The following KCNN2 variants were observed in gnomAD, a reference collection of about 807,000 sequenced individuals.
KCNN2 encodes the protein small conductance calcium-activated potassium channel protein 2.
In KCNN2, 24 loss-of-function variants were observed where a neutral mutation model predicts 55.5. The observed-to-expected ratio is 0.43, with a 90% CI of 0.31 to 0.61. The LOEUF (loss-of-function observed/expected upper bound fraction) is 0.61, where lower values mean the gene tolerates loss of function less well. Ranked by LOEUF, KCNN2 falls within the 20% of genes least tolerant of loss-of-function variation. The pLI, the probability that KCNN2 is intolerant of heterozygous loss-of-function variation, is 0.08. For synonymous variants in KCNN2, 431 were observed against 336.1 expected (o/e 1.28, Z -3.09); for missense variants, 754 against 853.6 (o/e 0.88, Z 1.45).
At chr5:114,111,944 G>A (rs1273016748) in intron 1 of KCNN2, among the ~76,000 whole-genome samples, 2 of 152,118 alleles carry the variant, frequency 1.3e-5, no homozygotes, top group African/African-American at 2.4e-5. Context: ...TCTAGAACTC[G>A]AAATACCATT....
At chr5:114,154,424 T>C (rs891458974) in intron 1 of KCNN2, among the ~76,000 whole-genome samples, 1 of 152,054 alleles carries the variant, frequency 6.6e-6, no homozygotes, top group Non-Finnish European at 1.5e-5. Flanking sequence ...GAAATGTGGG[T>C]GGCACTAGAG....
In KCNN2 at chr5:114,362,625, C is replaced by T. The variant is rs527423415; in HGVS notation, c.486C>T (p.Ser162=). The change falls in exon 1 of 8, where the codon AGC becomes AGT. Residue 162 remains serine, a synonymous_variant. Transcript: ENST00000673685. ...CCTCCCAGTACCACCAGTGCCACAG[C>T]CTGCAGCCCGCCGCCAGCCCCACGG... ...ASASQYHQCH[S]LQPAASPTGS... is the part of the protein sequence containing the mutation. 9.2e-6 allele frequency: 10 copies of T among 1,087,076 alleles called. No homozygotes were observed. Among genetic ancestry groups the T allele is most frequent in the Non-Finnish European group, 1.3e-5 (10 of 787,272 alleles). 67.3% of individuals were successfully genotyped at this position (1,087,076 alleles called of 1,614,324 possible). A position where few individuals can be genotyped will look rare whatever the true frequency, so the allele number is the denominator to read the frequency against.
chr5:114,223,777 G>T (rs541782497), intron 2 of KCNN2, among the ~76,000 whole-genome samples: 1 of 152,126 alleles, frequency 6.6e-6, no homozygotes, highest in Non-Finnish European at 1.5e-5. Flanking sequence ...GAACTAAGAC[G>T]AACTTCTGAG....
intron 3 of KCNN2, among the ~76,000 whole-genome samples, chr5:114,444,076 T>C (rs1760312029): frequency 1.3e-5 from 2 of 152,182 alleles, no homozygotes; most frequent in African/African-American, 4.8e-5. Flanking sequence ...AGATGTCTGT[T>C]ACAATGGACT....
intron 2 of KCNN2, among the ~76,000 whole-genome samples, chr5:114,334,842 T>G (rs1756892541): frequency 6.6e-6 from 1 of 152,194 alleles, no homozygotes; most frequent in South Asian, 2.1e-4. Flanking sequence ...TAAGATTGAT[T>G]ATTAACCAGT....
intron 3 of KCNN2, among the ~76,000 whole-genome samples, chr5:114,408,669 GC>G (rs1759019828): frequency 6.6e-6 from 1 of 151,992 alleles, no homozygotes; most frequent in Non-Finnish European, 1.5e-5. Context: ...GAGGGAAATA[GC>G]CAGGTCTGAC....
intron 2 of KCNN2, among the ~76,000 whole-genome samples, chr5:114,288,880 A>ATTTT (rs948241250): frequency 6.6e-6 from 1 of 150,988 alleles, no homozygotes; most frequent in Non-Finnish European, 1.5e-5. Flanking sequence ...AGTTCAGCTT[A>ATTTT]TTTTTTTTTC....
chr5:114,259,774 G>A (rs914973347), intron 2 of KCNN2, among the ~76,000 whole-genome samples: 3 of 152,058 alleles, frequency 2.0e-5, no homozygotes, highest in East Asian at 1.9e-4. Flanking sequence ...TTTCTAGCCC[G>A]TCTCTACCAG....
intron 5 of KCNN2, among the ~76,000 whole-genome samples, chr5:114,486,384 C>G (rs1399412349): frequency 6.6e-6 from 1 of 152,168 alleles, no homozygotes; most frequent in Non-Finnish European, 1.5e-5. Flanking sequence ...ATTAAGTATC[C>G]ATGCCTTTCA....
chr5:114,115,737 T>C (rs1469143453), intron 1 of KCNN2, among the ~76,000 whole-genome samples: 1 of 152,034 alleles, frequency 6.6e-6, no homozygotes, highest in African/African-American at 2.4e-5. Context: ...GTAGTAGACA[T>C]CTTTTAGGGT....
intron 1 of KCNN2, among the ~76,000 whole-genome samples, chr5:114,132,842 G>T (rs1469675861): frequency 6.6e-6 from 1 of 152,110 alleles, no homozygotes; most frequent in Non-Finnish European, 1.5e-5. Context: ...AGTACATTTT[G>T]CATCATGATT....
At chr5:114,455,421 G>T (rs1760873654) in intron 3 of KCNN2, among the ~76,000 whole-genome samples, 1 of 152,180 alleles carries the variant, frequency 6.6e-6, no homozygotes, top group African/African-American at 2.4e-5. Context: ...GATAAATGTT[G>T]TGTGTGTTGA....
chr5:114,164,640 G>A (rs1458337166), intron 1 of KCNN2, among the ~76,000 whole-genome samples: 1 of 152,110 alleles, frequency 6.6e-6, no homozygotes, highest in Non-Finnish European at 1.5e-5. Context: ...GGGCCAGAAT[G>A]TGTCCATTAA....
chr5:114,293,356 G>A (rs1425675396), intron 2 of KCNN2, among the ~76,000 whole-genome samples: 1 of 152,042 alleles, frequency 6.6e-6, no homozygotes. Context: ...ATTATTTTGA[G>A]ATACGTCCCA....
At chr5:114,302,787 T>G (rs984642387) in intron 2 of KCNN2, among the ~76,000 whole-genome samples, 1 of 152,162 alleles carries the variant, frequency 6.6e-6, no homozygotes, top group African/African-American at 2.4e-5. Context: ...AAGGTTTCTC[T>G]GAAGTGCCTC....
chr5:114,204,375 C>CAATAAAA (rs1169123502), intron 1 of KCNN2, among the ~76,000 whole-genome samples: 5 of 152,044 alleles, frequency 3.3e-5, no homozygotes, highest in African/African-American at 1.2e-4. Flanking sequence ...TTAACAACCT[C>CAATAAAA]AATAAAAAAT....
intron 3 of KCNN2, among the ~76,000 whole-genome samples, chr5:114,426,579 A>G (rs573767456): frequency 6.0e-4 from 92 of 152,302 alleles, no homozygotes; most frequent in Non-Finnish European, 1.1e-3. Context: ...TTCTTTAAAC[A>G]TAAGGTAGAA....
intron 2 of KCNN2, among the ~76,000 whole-genome samples, chr5:114,371,831 A>T (rs1370321050): frequency 1.3e-5 from 2 of 152,096 alleles, no homozygotes; most frequent in African/African-American, 2.4e-5. Context: ...TCAGAAACAT[A>T]CCCAGCACTT....
intron 2 of KCNN2, among the ~76,000 whole-genome samples, chr5:114,321,139 C>A (rs997681052): frequency 2.6e-5 from 4 of 152,302 alleles, no homozygotes; most frequent in South Asian, 2.1e-4. Flanking sequence ...AACCCAGGTA[C>A]CTTCTTAGCA....
Sources: allele counts gnomAD v4.1 joint callset (sites outside exome capture counted in the v4.1 genomes callset), GRCh38; gene constraint gnomAD v4.1.1; transcripts MANE v1.5; gene names NCBI Gene and HGNC (gene_info 2026-07-23, HGNC 2026-07-21).